The following RTEL1 variants were observed in gnomAD, a reference collection of about 807,000 sequenced individuals.
RTEL1 encodes the protein regulator of telomere length.
Under a neutral mutation model 162.2 loss-of-function variants are expected in RTEL1, and 86 were observed. The ratio of observed to expected loss-of-function variants is 0.53; its 90% CI spans 0.45 to 0.63. The LOEUF is 0.63. Ranked by LOEUF, RTEL1 falls within the 30% of genes least tolerant of loss-of-function variation. RTEL1 has a pLI of 0.00. For synonymous variants in RTEL1, 958 were observed against 717.9 expected (o/e 1.33, Z -5.35); for missense variants, 1,941 against 1,750.2 (o/e 1.11, Z -1.95).
intron 9 of RTEL1, 143 bp from the exon 10 acceptor site, chr20:63,673,797 T>C (rs1337812778): frequency 1.2e-6 from 1 of 842,068 alleles, no homozygotes; most frequent in Non-Finnish European, 1.9e-6. Context: ...GACCTACTTG[T>C]GGCCTTTTAC....
chr20:63,667,644 G>C, intron 8 of RTEL1, 91 bp downstream of exon 8: 1 of 1,060,712 alleles, frequency 9.4e-7, no homozygotes, highest in African/African-American at 1.6e-5. Flanking sequence ...CTGCTTCAGG[G>C]CCTTAGATCA....
chr20:63,688,619 C>A lies in RTEL1; in HGVS notation c.1800+14C>A. ...AGCTTCTCCGAGGTCGGCACTTGGC[C>A]GGGGCTCTGGGCCTGCTGCCCCCTC... On this transcript the variant is annotated intron_variant, in intron 21 of 34. Transcript: ENST00000360203. 1 of 1,597,396 alleles carries A rather than the reference C, an allele frequency of 6.3e-7. No individual in the cohort carries two copies. Among genetic ancestry groups the A allele is most frequent in the Non-Finnish European group, 8.5e-7 (1 of 1,174,142 alleles).
At chr20:63,692,017 G>T (rs956878196) in intron 28 of RTEL1, 180 bp downstream of exon 28, 77 of 567,010 alleles carry the variant, frequency 1.4e-4, no homozygotes, top group Middle Eastern at 4.8e-4. Context: ...TCTTCTGCAG[G>T]GGGCTCATGA....
chr20:63,675,185 G>A (rs1039210495), intron 10 of RTEL1, among the ~76,000 whole-genome samples: 9 of 152,224 alleles, frequency 5.9e-5, no homozygotes, highest in African/African-American at 1.2e-4. Flanking sequence ...GATTACAGGC[G>A]TGAGCCGCCA....
chr20:63,688,711 C>A, intron 21 of RTEL1, 106 bp downstream of exon 21: 2 of 966,692 alleles, frequency 2.1e-6, no homozygotes, highest in South Asian at 1.6e-5. Context: ...GCTCCGGCGG[C>A]TCCCGCTGCC....
intron 23 of RTEL1, 49 bp downstream of exon 23, chr20:63,689,697 C>T (rs372371309): frequency 6.2e-6 from 10 of 1,602,608 alleles, no homozygotes; most frequent in Non-Finnish European, 8.5e-7. Context: ...GGTGACTGAG[C>T]CCCCGCCCCG....
chr20:63,693,138 T>C lies in RTEL1; in HGVS notation c.2852-5T>C, dbSNP rs1601184089. ...AGATGGGGACAGACGCCCCTTCCTC[T>C]ACAGGCTTCTACCAGTTTGTGCGGC... On this transcript the variant is annotated splice_polypyrimidine_tract_variant and splice_region_variant and intron_variant, in intron 29 of 34. Transcript: ENST00000360203. The C allele has an allele frequency of 3.1e-6, 5 of 1,612,220 alleles. No individual in the cohort carries two copies. The highest frequency in any genetic ancestry group is 1.7e-4 in the Middle Eastern group (1 of 6,058).
At chr20:63,686,143 T>C (rs1232147994) in intron 16 of RTEL1, 1 of 544,506 alleles carries the variant, frequency 1.8e-6, no homozygotes, top group African/African-American at 1.9e-5. Flanking sequence ...CAGGCCTCCC[T>C]GCTGGGACAC....
intron 26 of RTEL1, 41 bp from the exon 27 acceptor site, chr20:63,690,764 G>T: frequency 6.4e-7 from 1 of 1,558,230 alleles, no homozygotes; most frequent in Non-Finnish European, 8.7e-7. Context: ...CCCAGCTGGG[G>T]CCCCCCGTGG....
chr20:63,684,510 C>G (rs541496977), intron 14 of RTEL1, among the ~76,000 whole-genome samples: 2 of 152,148 alleles, frequency 1.3e-5, no homozygotes, highest in Non-Finnish European at 2.9e-5. Context: ...CCTGCCACCA[C>G]GCCTGGCTAA....
intron 9 of RTEL1, 142 bp from the exon 10 acceptor site, chr20:63,673,798 G>C (rs1308649503): frequency 1.2e-6 from 1 of 846,028 alleles, no homozygotes; most frequent in African/African-American, 1.7e-5. Context: ...ACCTACTTGT[G>C]GCCTTTTACA....
At chr20:63,691,033 C>T in intron 27 of RTEL1, 86 bp downstream of exon 27, 11 of 1,336,224 alleles carry the variant, frequency 8.2e-6, no homozygotes, top group Non-Finnish European at 1.1e-5. Context: ...CAGGCACCTC[C>T]CCACACACCC....
rs2146211442 is a variant in RTEL1, at chr20:63,678,358, G to C, written c.1037+12G>C. On this transcript the variant is annotated intron_variant, in intron 12 of 34. Coordinates refer to ENST00000360203, the MANE Select transcript of RTEL1 (RefSeq NM_001283009.2). Reference sequence around the variant, plus strand: ...ACCAAGCCAGGGAGGTGAGAGGCGGGGAGCCAGCCCCTTCACTGCAGGCCC... The same window carrying C: ...ACCAAGCCAGGGAGGTGAGAGGCGGCGAGCCAGCCCCTTCACTGCAGGCCC... 2 of 1,604,712 alleles carry C rather than the reference G, an allele frequency of 1.2e-6. No homozygotes were observed. The highest frequency in any genetic ancestry group is 4.5e-5 in the East Asian group (2 of 44,652).
rs761051995 is a variant in RTEL1, at chr20:63,694,506, C to T, written c.3109+18C>T. 2.8e-5 allele frequency: 44 copies of T among 1,557,974 alleles called. No homozygotes were observed. The African/African-American group carries it at 5.0e-4, about 18-fold the overall frequency. On this transcript the variant is annotated intron_variant, in intron 31 of 34. Coordinates refer to ENST00000360203, the MANE Select transcript of RTEL1 (RefSeq NM_001283009.2). ...CCCAACAGGTAGCTGACTCCTGAAC[C>T]GTGTGCAGCCTACGACTTGGTGGGT...
chr20:63,685,806 G>A lies in RTEL1; in HGVS notation c.1282G>A (p.Asp428Asn), dbSNP rs758640195. ...LQSYKVHIHPDAGHRRTAQRS... is the reference protein window; with the variant it reads ...LQSYKVHIHPNAGHRRTAQRS... Reference sequence around the variant, plus strand: ...TCCCCTCCAGGTGCACATCCATCCTGATGCTGGTCACCGGAGGACGGCTCA... The same window carrying A: ...TCCCCTCCAGGTGCACATCCATCCTAATGCTGGTCACCGGAGGACGGCTCA... The change falls in exon 16 of 35, where the codon GAT becomes AAT. Residue 428 changes from aspartate (D) to asparagine (N), a missense_variant. Physicochemically the swap from Asp to Asn is conservative, Grantham distance 23. Transcript: ENST00000360203. 1.9e-5 allele frequency: 31 copies of A among 1,612,390 alleles called. No individual in the cohort carries two copies. The Admixed American group carries it at 4.7e-4, about 24-fold the overall frequency.
intron 9 of RTEL1, among the ~76,000 whole-genome samples, chr20:63,672,999 A>G (rs1224144744): frequency 6.6e-6 from 1 of 152,194 alleles, no homozygotes; most frequent in African/African-American, 2.4e-5. Context: ...CTTGAGACTG[A>G]GGCAGGAGAA....
intron 29 of RTEL1, 57 bp downstream of exon 29, chr20:63,693,060 G>C: frequency 1.2e-6 from 2 of 1,609,802 alleles, no homozygotes; most frequent in Non-Finnish European, 8.5e-7. Context: ...CCGCGTGTGG[G>C]GTGGGGGCCA....
intron 30 of RTEL1, among the ~76,000 whole-genome samples, chr20:63,693,585 ACCACCT>A (rs2090865111): frequency 1.3e-3 from 27 of 20,208 alleles, no homozygotes; most frequent in East Asian, 9.8e-3. Context: ...CTCCACCACC[ACCACCT>A]CCACCTCCAC....
At chr20:63,662,680 G>A (rs2090045077) in intron 5 of RTEL1, 53 bp downstream of exon 5, 1 of 1,610,500 alleles carries the variant, frequency 6.2e-7, no homozygotes, top group Non-Finnish European at 8.5e-7. Context: ...GAGTGCTGCT[G>A]GGTGTCCAGA....
Sources: allele counts gnomAD v4.1 joint callset (sites outside exome capture counted in the v4.1 genomes callset), GRCh38; gene constraint gnomAD v4.1.1; transcripts MANE v1.5; gene names NCBI Gene and HGNC (gene_info 2026-07-23, HGNC 2026-07-21).